FGD6: variants seen among roughly 807,000 people sequenced by gnomAD.
The protein encoded by FGD6 is FYVE, RhoGEF and PH domain containing 6, also known as FYVE, RhoGEF and PH domain-containing protein 6.
In FGD6, 90 loss-of-function variants were observed where a neutral mutation model predicts 149.4. That is an observed-to-expected ratio of 0.60 (90% CI 0.51 to 0.72). The LOEUF (loss-of-function observed/expected upper bound fraction) is 0.72. Ranked by LOEUF, FGD6 falls within the 30% of genes least tolerant of loss-of-function variation. The pLI, the probability that FGD6 is intolerant of heterozygous loss-of-function variation, is 0.00. For missense variants in FGD6, 1,437 were observed against 1,684.8 expected (o/e 0.85, Z 2.57); for synonymous variants, 527 against 584.0 (o/e 0.90, Z 1.41).
At chr12:95,196,869 C>G (rs1273666120) in intron 2 of FGD6, among the ~76,000 whole-genome samples, 3 of 150,988 alleles carry the variant, frequency 2.0e-5, no homozygotes, top group East Asian at 4.0e-4. Context: ...CAAACTCCTG[C>G]CTCAAGTGAT....
chr12:95,208,809 A>G (rs371100225), intron 2 of FGD6, 34 bp downstream of exon 2: 16 of 1,578,206 alleles, frequency 1.0e-5, no homozygotes, highest in Non-Finnish European at 1.4e-5. Flanking sequence ...AATTGCAATG[A>G]TGCATGCAAA....
chr12:95,104,810 G>A (rs1878555370), intron 14 of FGD6, among the ~76,000 whole-genome samples, 197 bp downstream of exon 14: 1 of 151,858 alleles, frequency 6.6e-6, no homozygotes, highest in African/African-American at 2.4e-5. Flanking sequence ...CTACTCAAGA[G>A]GCTGAGGTGG....
chr12:95,133,374 C>T (rs1272742649), intron 8 of FGD6, among the ~76,000 whole-genome samples: 10 of 152,134 alleles, frequency 6.6e-5, no homozygotes, highest in South Asian at 2.1e-4. Flanking sequence ...GCCAAGATGG[C>T]GCCACTGCAC....
At chr12:95,130,944 G>A (rs1288931585) in intron 8 of FGD6, among the ~76,000 whole-genome samples, 3 of 152,132 alleles carry the variant, frequency 2.0e-5, no homozygotes, top group African/African-American at 7.2e-5. Context: ...TTATAGGAAT[G>A]TCCTTAGGAT....
intron 5 of FGD6, among the ~76,000 whole-genome samples, chr12:95,150,011 C>G (rs1359672810): frequency 6.8e-6 from 1 of 146,876 alleles, no homozygotes; most frequent in Non-Finnish European, 1.5e-5. Context: ...CACACACACA[C>G]ACACACACAC....
At chr12:95,168,092 A>G (rs941288157) in intron 3 of FGD6, among the ~76,000 whole-genome samples, 2 of 152,142 alleles carry the variant, frequency 1.3e-5, no homozygotes, top group East Asian at 1.9e-4. Context: ...CCTGAAGTCA[A>G]TTGTGAAGTG....
At chr12:95,106,924 A>AAAAACAAAAC (rs1878646552) in intron 13 of FGD6, 30 bp downstream of exon 13, 1 of 1,153,900 alleles carries the variant, frequency 8.7e-7, no homozygotes, top group Non-Finnish European at 1.2e-6. Flanking sequence ...AAACAAAACA[A>AAAAACAAAAC]AAAACAAAAC....
intron 3 of FGD6, among the ~76,000 whole-genome samples, chr12:95,168,631 C>T (rs921068617): frequency 2.0e-5 from 3 of 151,840 alleles, no homozygotes; most frequent in African/African-American, 7.3e-5. Flanking sequence ...CCACTGCACT[C>T]CAGCCTGGGA....
In FGD6 at chr12:95,209,094, C is replaced by T; in HGVS notation, c.2190G>A (p.Glu730=). ...ACTTGTAAGGTGCCTGAGATGATGA[C>T]TCCCGGGAGAGCATTTGGTCATCCA... The part of the protein sequence containing the change: ...ESLDDQMLSR[E]SSSQAPYKSV... The change falls in exon 2 of 21, where the codon GAG becomes GAA. Residue 730 remains glutamate (E), a synonymous_variant. Transcript: ENST00000343958. The T allele has an allele frequency of 6.2e-7, 1 of 1,614,132 alleles. No homozygotes were observed.
intron 14 of FGD6, among the ~76,000 whole-genome samples, chr12:95,095,919 CAGG>C (rs1373779012): frequency 6.6e-6 from 1 of 151,266 alleles, no homozygotes; most frequent in Non-Finnish European, 1.5e-5. Flanking sequence ...GGGGCTGAGG[CAGG>C]AGAATTGCTT....
At position 95,079,473 on chromosome 12, in the gene FGD6, TGAGAGCTCAAGAG is replaced by T. The variant is rs1432853733; in HGVS notation, c.*2034_*2046del. The T allele has an allele frequency of 6.6e-6, 1 of 152,226 alleles. No homozygotes were observed. Among genetic ancestry groups the T allele is most frequent in the Non-Finnish European group, 1.5e-5 (1 of 68,058 alleles). The allele number at this position is 152,226 out of a possible 1,614,324, so 9.4% of individuals were successfully genotyped here. ...AAGCCAAACCTTGTAGTCAGAAGGC[TGAGAGCTCAAGAG>T]GAGGGAAAGAAAACCCAAATAACTT... is the stretch of plus-strand genomic sequence containing the variant. On this transcript the variant is annotated 3_prime_UTR_variant, in exon 21 of 21. Transcript: ENST00000343958.
At chr12:95,138,246 A>AAATAAATAAATAAATAAATAAATAACTC (rs796444898) in intron 6 of FGD6, among the ~76,000 whole-genome samples, 1 of 143,778 alleles carries the variant, frequency 7.0e-6, no homozygotes, top group Non-Finnish European at 1.5e-5. Context: ...ATAAATAAAT[A>AAATAAATAAATAAATAAATAAATAACTC]ACTCACTCAC....
chr12:95,185,116 T>C (rs1881392623), intron 2 of FGD6, among the ~76,000 whole-genome samples: 1 of 152,112 alleles, frequency 6.6e-6, no homozygotes, highest in Non-Finnish European at 1.5e-5. Flanking sequence ...TCAAGTGATC[T>C]GCCTGCCTCG....
chr12:95,116,994 C>A, intron 8 of FGD6: 1 of 447,150 alleles, frequency 2.2e-6, no homozygotes, highest in Non-Finnish European at 4.5e-6. Flanking sequence ...AGGTGAAACC[C>A]AGGAAAGGAG....
chr12:95,140,428 C>A (rs1270711804), intron 6 of FGD6, among the ~76,000 whole-genome samples: 2 of 152,162 alleles, frequency 1.3e-5, no homozygotes, highest in Non-Finnish European at 1.5e-5. Flanking sequence ...ACCAGCCTGA[C>A]CAATATGATG....
intron 1 of FGD6, among the ~76,000 whole-genome samples, chr12:95,213,206 C>T (rs1033623709): frequency 4.6e-5 from 7 of 152,114 alleles, no homozygotes; most frequent in African/African-American, 1.4e-4. Flanking sequence ...TTACTCAGTA[C>T]GACTGTCAAG....
In FGD6 at chr12:95,127,231, G is replaced by A. The variant is rs1048478960; in HGVS notation, c.3082+7508C>T. Among the ~76,000 whole-genome samples the A allele has an allele frequency of 9.9e-5, 15 of 151,346 alleles. 1 individual carries two copies. The highest frequency in any genetic ancestry group is 5.9e-4 in the Admixed American group (9 of 15,222). ...AATACTTGCTAAACAGAAGTTTTCC[G>A]TAAGGGTTTTTAAAAAAGAGTCATC... On this transcript the variant is annotated intron_variant, in intron 8 of 20. Coordinates refer to ENST00000343958, the MANE Select transcript of FGD6 (RefSeq NM_018351.4).
intron 3 of FGD6, among the ~76,000 whole-genome samples, chr12:95,160,248 T>A (rs77860947): frequency 6.6e-6 from 1 of 151,722 alleles, no homozygotes. Flanking sequence ...CAGAAGAAGA[T>A]ATAAGAATGG....
intron 5 of FGD6, among the ~76,000 whole-genome samples, chr12:95,145,404 C>T (rs917466346): frequency 6.6e-6 from 1 of 152,116 alleles, no homozygotes; most frequent in Non-Finnish European, 1.5e-5. Context: ...TTAGCAAGAA[C>T]CTCCCACCCT....
Sources: gnomAD v4.1 joint callset for allele counts (sites outside exome capture counted in the v4.1 genomes callset) on GRCh38, gnomAD v4.1.1 for gene constraint, MANE v1.5 for transcripts, NCBI Gene and HGNC (gene_info 2026-07-23, HGNC 2026-07-21) for gene names.